GLRA1: variants seen among roughly 807,000 people sequenced by gnomAD.
The protein encoded by GLRA1 is glycine receptor subunit alpha-1.
GLRA1 carries 37 observed loss-of-function variants against 48.3 expected under a neutral mutation model. The ratio of observed to expected loss-of-function variants is 0.77; its 90% CI spans 0.59 to 1.01. The LOEUF (loss-of-function observed/expected upper bound fraction) is 1.01, where lower values mean the gene tolerates loss of function less well. Ranked by LOEUF, GLRA1 falls within the 50% of genes least tolerant of loss-of-function variation. GLRA1 has a pLI of 0.00. For missense variants in GLRA1, 427 were observed against 571.0 expected, an observed-to-expected ratio of 0.75 and a Z score of 2.57; for synonymous variants, 196 against 210.7, an observed-to-expected ratio of 0.93 and a Z score of 0.60.
Position 151,859,883 on chromosome 5 carries a change from C to A in GLRA1, c.378G>T (p.Leu126=), listed in dbSNP as rs747286269. 1.9e-6 allele frequency: 3 copies of A among 1,614,040 alleles called. No homozygotes were observed. The highest frequency in any genetic ancestry group is 2.5e-6 in the Non-Finnish European group (3 of 1,179,946). Residue 126 remains leucine (L), a synonymous_variant, in exon 4 of 9, where the codon CTG becomes CTT. Coordinates refer to ENST00000274576, the MANE Select transcript of GLRA1 (RefSeq NM_000171.4). The part of the protein sequence containing the change: ...SMLDSIWKPD[L]FFANEKGAHF... ...GGGCCCCCTTCTCGTTGGCAAAGAA[C>A]AGGTCAGGTTTCCAGATGGAGTCCA... is the stretch of plus-strand genomic sequence containing the variant.
At chr5:151,848,708 T>C (rs1752745505) in intron 7 of GLRA1, among the ~76,000 whole-genome samples, 1 of 152,220 alleles carries the variant, frequency 6.6e-6, no homozygotes, top group African/African-American at 2.4e-5. Flanking sequence ...ATGAGCTAGC[T>C]GTATCTTCTG....
intron 3 of GLRA1, among the ~76,000 whole-genome samples, chr5:151,871,778 A>T (rs748184982): frequency 1.3e-5 from 2 of 149,436 alleles, no homozygotes; most frequent in Non-Finnish European, 1.5e-5. Context: ...GTTAACCAGG[A>T]TGGTCTCAAC....
chr5:151,871,006 AAG>A (rs1753468751), intron 3 of GLRA1, among the ~76,000 whole-genome samples: 1 of 149,534 alleles, frequency 6.7e-6, no homozygotes, highest in South Asian at 2.1e-4. Context: ...TGATCTGATG[AAG>A]AGTCACGCTC....
intron 1 of GLRA1, among the ~76,000 whole-genome samples, chr5:151,902,226 G>A (rs576364861): frequency 3.3e-5 from 5 of 152,068 alleles, no homozygotes; most frequent in Non-Finnish European, 5.9e-5. Context: ...CCATGTCCAG[G>A]TGATGACACT....
intron 1 of GLRA1, among the ~76,000 whole-genome samples, chr5:151,907,646 A>G (rs1457172272): frequency 6.6e-6 from 1 of 152,232 alleles, no homozygotes; most frequent in Admixed American, 6.5e-5. Flanking sequence ...GAGTTCAATC[A>G]ATCGGAGGCA....
chr5:151,890,935 C>G (rs990720363), intron 2 of GLRA1, among the ~76,000 whole-genome samples: 5 of 152,158 alleles, frequency 3.3e-5, no homozygotes, highest in African/African-American at 1.2e-4. Context: ...TGGGCCCAAA[C>G]AGAGACCTGG....
At chr5:151,851,321 G>A in intron 7 of GLRA1, 69 bp downstream of exon 7, 1 of 1,010,864 alleles carries the variant, frequency 9.9e-7, no homozygotes, top group Non-Finnish European at 1.6e-6. Flanking sequence ...CATGTTTTAG[G>A]CAGAGCAAGG....
At position 151,822,966 on chromosome 5, in the gene GLRA1, G is replaced by T; in HGVS notation, c.1060-3C>A. The T allele has an allele frequency of 6.3e-7, 1 of 1,598,024 alleles. No individual in the cohort carries two copies. The highest frequency in any genetic ancestry group is 8.5e-7 in the Non-Finnish European group (1 of 1,170,950). ...CGGCCTTCTCCAGCTTCATCCTCCT[G>T]GAATAGATTCAACATGGGGCTCTAC... On this transcript the variant is annotated splice_region_variant and splice_polypyrimidine_tract_variant and intron_variant, in intron 8 of 8. Coordinates refer to ENST00000274576, the MANE Select transcript of GLRA1 (RefSeq NM_000171.4).
At chr5:151,832,668 G>A (rs1054002016) in intron 7 of GLRA1, among the ~76,000 whole-genome samples, 10 of 152,160 alleles carry the variant, frequency 6.6e-5, no homozygotes, top group South Asian at 2.1e-4. Context: ...CCAAACCTAC[G>A]TTCAGTTGGT....
chr5:151,865,193 T>C (rs1163592521), intron 3 of GLRA1, among the ~76,000 whole-genome samples: 1 of 152,152 alleles, frequency 6.6e-6, no homozygotes, highest in African/African-American at 2.4e-5. Context: ...AAAGATATAT[T>C]TATTCAGCTC....
chr5:151,864,585 T>G (rs993876442), intron 3 of GLRA1, among the ~76,000 whole-genome samples: 12 of 152,220 alleles, frequency 7.9e-5, no homozygotes, highest in African/African-American at 2.9e-4. Context: ...AGGGACACTT[T>G]CCGTCAGCCT....
chr5:151,902,292 A>G (rs1481600592), intron 1 of GLRA1, among the ~76,000 whole-genome samples: 1 of 151,962 alleles, frequency 6.6e-6, no homozygotes, highest in African/African-American at 2.4e-5. Context: ...GAACCATAAC[A>G]TAACTGGAGC....
rs377759233 is a variant in GLRA1, at chr5:151,909,190, G to A, written c.56+15304C>T. ...CTGTCCATAAGGAGAAGGGTCGAGA[G>A]TCACAGATGTCATTCTAACATAAGG... is the stretch of plus-strand genomic sequence containing the variant. On this transcript the variant is annotated intron_variant, in intron 1 of 8. Transcript: ENST00000274576. Among the ~76,000 whole-genome samples the A allele has an allele frequency of 5.3e-5, 8 of 152,188 alleles. No homozygotes were observed. In the East Asian group the frequency reaches 9.6e-4, roughly 18 times the overall value.
chr5:151,836,016 A>C (rs574532754), intron 7 of GLRA1, among the ~76,000 whole-genome samples: 33 of 152,358 alleles, frequency 2.2e-4, no homozygotes, highest in Non-Finnish European at 4.0e-4. Context: ...GAGGAAGTCA[A>C]ATTATATCTG....
chr5:151,922,609 C>T (rs1004759484), intron 1 of GLRA1, among the ~76,000 whole-genome samples: 1 of 152,352 alleles, frequency 6.6e-6, no homozygotes, highest in South Asian at 2.1e-4. Context: ...CTCATGTGTG[C>T]GTTCACGCAC....
chr5:151,917,748 G>A (rs79474618), intron 1 of GLRA1, among the ~76,000 whole-genome samples: 1,699 of 152,226 alleles, frequency 0.011, 27 homozygotes, highest in African/African-American at 0.038. Context: ...CCTTCCTACC[G>A]CAAGATTCCA....
intron 1 of GLRA1, among the ~76,000 whole-genome samples, chr5:151,903,761 C>G (rs1754415889): frequency 6.6e-6 from 1 of 152,168 alleles, no homozygotes. Flanking sequence ...TTTCTAGGTG[C>G]CATCCACAGT....
intron 7 of GLRA1, chr5:151,849,104 T>TTTCCTTTCTTTC (rs200997346): frequency 1.7e-5 from 2 of 116,064 alleles, no homozygotes; most frequent in African/African-American, 1.4e-4. Context: ...ATTTCTTTTC[T>TTTCCTTTCTTTC]TTTCTTTCTT....
At chr5:151,844,271 T>C (rs145789800) in intron 7 of GLRA1, among the ~76,000 whole-genome samples, 2 of 152,036 alleles carry the variant, frequency 1.3e-5, no homozygotes, top group South Asian at 4.1e-4. Context: ...ATGAAACTCT[T>C]AGAAGAAAAT....
Sources: gnomAD v4.1 joint callset for allele counts (sites outside exome capture counted in the v4.1 genomes callset) on GRCh38, gnomAD v4.1.1 for gene constraint, MANE v1.5 for transcripts, NCBI Gene and HGNC (gene_info 2026-07-23, HGNC 2026-07-21) for gene names.